The following TDRD10 variants were observed in gnomAD, a reference collection of about 807,000 sequenced individuals.
TDRD10 encodes the protein tudor domain-containing protein 10.
TDRD10 carries 40 observed loss-of-function variants against 48.0 expected under a neutral mutation model. The observed-to-expected ratio is 0.83, with a 90% CI of 0.65 to 1.09. The LOEUF is 1.09. Ranked by LOEUF, TDRD10 falls within the 50% of genes least tolerant of loss-of-function variation. The pLI is 0.00. For synonymous variants in TDRD10, 162 were observed against 170.4 expected, an observed-to-expected ratio of 0.95 and a Z score of 0.38; for missense variants, 378 against 434.7, an observed-to-expected ratio of 0.87 and a Z score of 1.16.
chr1:154,540,586 A>G (rs1188093233), intron 6 of TDRD10, among the ~76,000 whole-genome samples: 1 of 150,470 alleles, frequency 6.6e-6, no homozygotes, highest in Non-Finnish European at 1.5e-5. Flanking sequence ...TTATTTGTTC[A>G]TGATTGCAGG....
chr1:154,526,879 G>A (rs1694347440), intron 6 of TDRD10, among the ~76,000 whole-genome samples: 1 of 143,682 alleles, frequency 7.0e-6, no homozygotes, highest in Non-Finnish European at 1.5e-5. Flanking sequence ...GTGAGCCACC[G>A]CACCTGGCCT....
intron 8 of TDRD10, 79 bp downstream of exon 8, chr1:154,542,900 A>T: frequency 4.1e-6 from 5 of 1,234,268 alleles, no homozygotes; most frequent in Non-Finnish European, 5.9e-6. Context: ...GGGGACAAGG[A>T]TAGTACTGGG....
chr1:154,541,511 G>C (rs1289137194), intron 6 of TDRD10, among the ~76,000 whole-genome samples: 1 of 152,034 alleles, frequency 6.6e-6, no homozygotes, highest in African/African-American at 2.4e-5. Context: ...ATAGATACTT[G>C]GGTTTCCCCA....
chr1:154,507,446 C>A, intron 3 of TDRD10, 126 bp downstream of exon 3: 2 of 1,126,350 alleles, frequency 1.8e-6, no homozygotes, highest in South Asian at 1.4e-5. Flanking sequence ...AGATTCTGCT[C>A]TTCCTCCAGT....
At chr1:154,518,810 C>G (rs772464972) in intron 4 of TDRD10, among the ~76,000 whole-genome samples, 7 of 152,190 alleles carry the variant, frequency 4.6e-5, no homozygotes, top group African/African-American at 9.7e-5. Context: ...ATGTGCATGG[C>G]TGTGTTCCAA....
intron 4 of TDRD10, among the ~76,000 whole-genome samples, chr1:154,517,111 T>C (rs986520225): frequency 3.3e-5 from 5 of 151,290 alleles, no homozygotes; most frequent in Non-Finnish European, 7.4e-5. Context: ...GTGGGAAACA[T>C]AGGAGGGGGT....
Position 154,544,370 on chromosome 1 carries a change from A to G in TDRD10, c.652-2A>G. ...GGGGCCGTTGCGTTTTGCACCCCAC[A>G]GGCTCTGCACCAGAACATGCAGGCT... is the stretch of plus-strand genomic sequence containing the variant. On this transcript the variant is annotated splice_acceptor_variant, in intron 9 of 12. Coordinates refer to ENST00000368482, the MANE Select transcript of TDRD10 (RefSeq NM_182499.4). LOFTEE classifies it high-confidence loss of function. 6.3e-7 allele frequency: 1 copy of G among 1,579,894 alleles called. No homozygotes were observed. Among genetic ancestry groups the G allele is most frequent in the Non-Finnish European group, 8.6e-7 (1 of 1,162,818 alleles).
intron 6 of TDRD10, among the ~76,000 whole-genome samples, chr1:154,524,364 G>T (rs1006938486): frequency 2.6e-5 from 4 of 151,918 alleles, no homozygotes; most frequent in Non-Finnish European, 5.9e-5. Context: ...ATGGGGTTTC[G>T]CCATGTTGCC....
chr1:154,542,202 T>G, intron 7 of TDRD10, 136 bp downstream of exon 7: 1 of 827,298 alleles, frequency 1.2e-6, no homozygotes, highest in Non-Finnish European at 1.9e-6. Context: ...CCTTTTCCCT[T>G]TCTTCCTCTA....
At chr1:154,533,028 C>T (rs1005448054) in intron 6 of TDRD10, among the ~76,000 whole-genome samples, 2 of 152,178 alleles carry the variant, frequency 1.3e-5, no homozygotes, top group Non-Finnish European at 2.9e-5. Flanking sequence ...GTATGGAAGT[C>T]CAGGATTCCC....
intron 6 of TDRD10, among the ~76,000 whole-genome samples, chr1:154,538,834 CGGAGCGAGACT>C (rs1695066756): frequency 1.0e-5 from 1 of 99,392 alleles, no homozygotes. Context: ...GCCTGGGTGA[CGGAGCGAGACT>C]CCATCTCACG....
chr1:154,513,715 C>G (rs181588248), intron 4 of TDRD10, among the ~76,000 whole-genome samples: 10 of 152,246 alleles, frequency 6.6e-5, no homozygotes, highest in Admixed American at 2.6e-4. Flanking sequence ...TAAAAAACAC[C>G]TATGCTAGTC....
Position 154,547,779 on chromosome 1 carries a change from C to G in TDRD10, c.*69C>G, listed in dbSNP as rs1336242691. The G allele has an allele frequency of 3.8e-6, 6 of 1,584,792 alleles. No individual in the cohort carries two copies. In the Admixed American group the frequency reaches 1.0e-4, roughly 26 times the overall value. On this transcript the variant is annotated 3_prime_UTR_variant, in exon 13 of 13. Coordinates refer to ENST00000368482, the MANE Select transcript of TDRD10 (RefSeq NM_182499.4). ...CCAGAGGCCACCTGCCCTGTCTTCT[C>G]GTACCCCTTTCACTCTTGAGGCCTG...
chr1:154,538,853 A>AAAAAAAAAAAAAAAAAAAAACTGC (rs1695071407), intron 6 of TDRD10, among the ~76,000 whole-genome samples: 1 of 100,334 alleles, frequency 1.0e-5, no homozygotes, highest in Non-Finnish European at 2.3e-5. Context: ...ACTCCATCTC[A>AAAAAAAAAAAAAAAAAAAAACTGC]CGGTGCTTTG....
intron 6 of TDRD10, among the ~76,000 whole-genome samples, chr1:154,538,221 G>A (rs1695025250): frequency 6.6e-6 from 1 of 152,160 alleles, no homozygotes; most frequent in Admixed American, 6.5e-5. Flanking sequence ...GAAACCACTA[G>A]TGATAATTGG....
At chr1:154,546,176 C>T (rs990945340) in intron 11 of TDRD10, among the ~76,000 whole-genome samples, 9 of 150,518 alleles carry the variant, frequency 6.0e-5, no homozygotes, top group Admixed American at 4.0e-4. Flanking sequence ...TGGGATCAAG[C>T]GATTCTCCTG....
At chr1:154,512,470 G>A (rs189542450) in intron 4 of TDRD10, among the ~76,000 whole-genome samples, 1 of 152,110 alleles carries the variant, frequency 6.6e-6, no homozygotes, top group East Asian at 1.9e-4. Context: ...TCAGTCTCCC[G>A]AGTAGCTGGG....
chr1:154,537,744 C>T lies in TDRD10; in HGVS notation c.370-4280C>T, dbSNP rs141307655. On this transcript the variant is annotated intron_variant, in intron 6 of 12. Transcript: ENST00000368482. ...CACCTCCAAGCCTTCTGGCCACCAA[C>T]CTTTGTATTTTTGTTTCTCCTCTCC... Among the ~76,000 whole-genome samples the T allele has an allele frequency of 2.3e-3, 344 of 152,300 alleles. 2 individuals carry two copies. The highest frequency in any genetic ancestry group is 3.6e-3 in the Admixed American group (55 of 15,298).
chr1:154,529,101 C>CG (rs1570945741), intron 6 of TDRD10, among the ~76,000 whole-genome samples: 1 of 151,288 alleles, frequency 6.6e-6, no homozygotes, highest in East Asian at 1.9e-4. Flanking sequence ...TTTTTTGAGA[C>CG]GGAGTTTTGC....
Sources: gnomAD v4.1 joint callset for allele counts (sites outside exome capture counted in the v4.1 genomes callset) on GRCh38, gnomAD v4.1.1 for gene constraint, MANE v1.5 for transcripts, NCBI Gene and HGNC (gene_info 2026-07-23, HGNC 2026-07-21) for gene names.